Variants in CELF2 observed in about 807,000 individuals in gnomAD.
CELF2 encodes CUGBP Elav-like family member 2.
CELF2 carries 8 observed loss-of-function variants against 62.6 expected under a neutral mutation model. That is an observed-to-expected ratio of 0.13 (90% CI 0.07 to 0.23). The LOEUF (loss-of-function observed/expected upper bound fraction) is 0.23. Among genes scored for constraint, CELF2 ranks in the 10% least tolerant of loss-of-function variants. CELF2 has a pLI of 1.00. For missense variants in CELF2, 333 were observed against 671.0 expected (o/e 0.50, Z 5.56); for synonymous variants, 258 against 250.0 (o/e 1.03, Z -0.30).
the CELF2 span, among the ~76,000 whole-genome samples, chr10:10,703,007 T>C: frequency 5.9e-5 from 9 of 152,364 alleles, no homozygotes; most frequent in South Asian, 4.1e-4. Context: ...TTATAGGGTT[T>C]ACCCAAAGGG....
chr10:10,568,687 T>TG, the CELF2 span, among the ~76,000 whole-genome samples: 1 of 152,158 alleles, frequency 6.6e-6, no homozygotes, highest in East Asian at 1.9e-4. Flanking sequence ...GTGGATGTAA[T>TG]GATAGAGAAA....
chr10:11,263,676 A>AG (rs1166537415), intron 5 of CELF2, among the ~76,000 whole-genome samples: 2 of 152,244 alleles, frequency 1.3e-5, no homozygotes, highest in Non-Finnish European at 2.9e-5. Flanking sequence ...TTGGCTTGAG[A>AG]GAAAAAGCCA....
Position 11,321,364 on chromosome 10 carries a change from C to T in CELF2, c.1272C>T (p.Ser424=), listed in dbSNP as rs187467425. Reference sequence around the variant, plus strand: ...GCCAGAGCCTGCTGCAGCAGCAGAGCGCTGCAGGCAGCCAGAAGGAAGGTA... The same window carrying T: ...GCCAGAGCCTGCTGCAGCAGCAGAGTGCTGCAGGCAGCCAGAAGGAAGGTA... ...LYSQSLLQQQ[S]AAGSQKEGPE... is the part of the protein sequence containing the mutation. Residue 424 remains serine (S), a synonymous_variant, in exon 11 of 13, where the codon AGC becomes AGT. Transcript: ENST00000633077. The surrounding 1 kb of genome is among the most constrained non-coding windows in gnomAD (Gnocchi z 6.2). The T allele has an allele frequency of 4.4e-4, 712 of 1,607,762 alleles. 2 individuals carry two copies. The African/African-American group carries it at 8.2e-3, about 18-fold the overall frequency.
chr10:10,499,767 A>AC, the CELF2 span, among the ~76,000 whole-genome samples: 1 of 152,186 alleles, frequency 6.6e-6, no homozygotes, highest in Non-Finnish European at 1.5e-5. Context: ...AATCCCAGCT[A>AC]CTCAGGAGTC....
the CELF2 span, among the ~76,000 whole-genome samples, chr10:10,752,289 T>A: frequency 1.3e-5 from 2 of 152,202 alleles, no homozygotes; most frequent in African/African-American, 4.8e-5. Context: ...TCCTTATGTC[T>A]AAGATGCCAG....
intron 2 of CELF2, among the ~76,000 whole-genome samples, chr10:11,166,495 A>G (rs1233237720): frequency 1.3e-5 from 2 of 152,086 alleles, no homozygotes; most frequent in Non-Finnish European, 2.9e-5. Flanking sequence ...CTGAATTTAA[A>G]ATATCTACTC....
chr10:10,939,277 G>GTGGTGGTGT, intron 2 of CELF2, among the ~76,000 whole-genome samples: 1 of 144,220 alleles, frequency 6.9e-6, no homozygotes, highest in African/African-American at 2.7e-5. Flanking sequence ...TTGTTTTGTG[G>GTGGTGGTGT]TGTTGTTGTT....
intron 7 of CELF2, among the ~76,000 whole-genome samples, chr10:11,272,837 C>G (rs140124927): frequency 6.6e-6 from 1 of 152,206 alleles, no homozygotes; most frequent in African/African-American, 2.4e-5. Context: ...GGTTTAATGA[C>G]ACTCCAGGTA....
At chr10:10,920,482 T>C (rs1055829303) in intron 2 of CELF2, among the ~76,000 whole-genome samples, 5 of 152,186 alleles carry the variant, frequency 3.3e-5, no homozygotes, top group Admixed American at 3.3e-4. Flanking sequence ...GAATTCTCAC[T>C]GTCATCAAAA....
At chr10:11,176,286 C>G (rs2133856263) in intron 2 of CELF2, among the ~76,000 whole-genome samples, 1 of 152,312 alleles carries the variant, frequency 6.6e-6, no homozygotes, top group South Asian at 2.1e-4. Flanking sequence ...TCCATTAAAT[C>G]CAAGGACAGA....
rs974760914 is a variant in CELF2, at chr10:11,117,008, T to C, written c.75-48478T>C. Among the ~76,000 whole-genome samples the C allele has an allele frequency of 2.0e-5, 3 of 152,212 alleles. No homozygotes were observed. The highest frequency in any genetic ancestry group is 4.4e-5 in the Non-Finnish European group (3 of 68,032). On this transcript the variant is annotated intron_variant, in intron 1 of 12. Coordinates refer to ENST00000633077, the MANE Select transcript of CELF2 (RefSeq NM_001326342.2). The surrounding 1 kb of genome is among the most constrained non-coding windows in gnomAD (Gnocchi z 4.1). ...AGGAAACTTGGGCACAGTTAAGTCA[T>C]GTGCCCAGGATCACACAGCTGGTAA...
chr10:10,648,453 A>G, the CELF2 span, among the ~76,000 whole-genome samples: 22 of 152,330 alleles, frequency 1.4e-4, no homozygotes, highest in African/African-American at 4.1e-4. Flanking sequence ...TTTCATGCAT[A>G]CTTATCGCTC....
At chr10:10,973,406 T>C (rs894742773) in intron 2 of CELF2, among the ~76,000 whole-genome samples, 3 of 152,154 alleles carry the variant, frequency 2.0e-5, no homozygotes, top group Non-Finnish European at 4.4e-5. Flanking sequence ...TTTCACTAAG[T>C]GTAAGAGCTT....
chr10:11,182,952 G>T (rs1326941399), intron 2 of CELF2, among the ~76,000 whole-genome samples: 2 of 152,062 alleles, frequency 1.3e-5, no homozygotes, highest in Admixed American at 6.6e-5. Flanking sequence ...AATATCAAAG[G>T]GTCTTTTCAA....
At chr10:10,687,023 G>A in the CELF2 span, among the ~76,000 whole-genome samples, 1 of 152,100 alleles carries the variant, frequency 6.6e-6, no homozygotes, top group African/African-American at 2.4e-5. Context: ...CTTGTTTCAG[G>A]AACTGGCAGC....
At chr10:10,900,847 C>T (rs1317625359) in intron 1 of CELF2, among the ~76,000 whole-genome samples, 1 of 152,134 alleles carries the variant, frequency 6.6e-6, no homozygotes, top group African/African-American at 2.4e-5. Flanking sequence ...AATAAAAAAG[C>T]TACTAGAACT....
chr10:10,827,894 C>T (rs2057524188), intron 1 of CELF2, among the ~76,000 whole-genome samples: 1 of 149,054 alleles, frequency 6.7e-6, no homozygotes, highest in African/African-American at 2.5e-5. Flanking sequence ...GAATAAAACA[C>T]CTTTAAAAAT....
At chr10:11,193,139 G>A (rs919803764) in intron 2 of CELF2, among the ~76,000 whole-genome samples, 3 of 152,142 alleles carry the variant, frequency 2.0e-5, no homozygotes, top group Non-Finnish European at 4.4e-5. Context: ...TCAGCCTCGC[G>A]TGGGGCTTCC....
chr10:10,823,997 C>T (rs2057183147), intron 1 of CELF2, among the ~76,000 whole-genome samples: 1 of 151,722 alleles, frequency 6.6e-6, no homozygotes, highest in Non-Finnish European at 1.5e-5. Context: ...TACATAGATA[C>T]ATAGATACAT....
Sources: gnomAD v4.1 joint callset for allele counts (sites outside exome capture counted in the v4.1 genomes callset) on GRCh38, gnomAD v4.1.1 for gene constraint, Gnocchi (gnomAD v3.1) non-coding constraint, MANE v1.5 for transcripts, NCBI Gene and HGNC (gene_info 2026-07-23, HGNC 2026-07-21) for gene names.